The following CLSTN1 variants were observed in gnomAD, a reference collection of about 807,000 sequenced individuals.
The protein encoded by CLSTN1 is calsyntenin 1.
CLSTN1 carries 28 observed loss-of-function variants against 108.3 expected under a neutral mutation model. That is an observed-to-expected ratio of 0.26 (90% confidence interval 0.19 to 0.35). The LOEUF (loss-of-function observed/expected upper bound fraction) is 0.35. Among genes scored for constraint, CLSTN1 ranks in the 10% least tolerant of loss-of-function variants. CLSTN1 has a pLI of 1.00. For synonymous variants in CLSTN1, 524 were observed against 534.9 expected (o/e 0.98, Z 0.28); for missense variants, 1,157 against 1,302.6 (o/e 0.89, Z 1.72).
At chr1:9,774,551 G>A (rs1652845230) in intron 1 of CLSTN1, among the ~76,000 whole-genome samples, 2 of 151,576 alleles carry the variant, frequency 1.3e-5, no homozygotes, top group African/African-American at 2.4e-5. Context: ...GGGCGACAGA[G>A]TGAGACTCCG....
At chr1:9,816,431 G>A (rs1369422718) in intron 1 of CLSTN1, among the ~76,000 whole-genome samples, 1 of 151,930 alleles carries the variant, frequency 6.6e-6, no homozygotes, top group Non-Finnish European at 1.5e-5. Context: ...AAATTAGATA[G>A]TGGTGATGGT....
rs1010524219 is a variant in CLSTN1, at chr1:9,734,727, G to A, written c.2110+221C>T. ...ACCTCAAGCCACATCTCAAAGCCTG[G>A]CAGCAACCAGGAAAAGATGTAAGAC... On this transcript the variant is annotated intron_variant, in intron 14 of 18. Transcript: ENST00000377298. The surrounding 1 kb of genome is among the most constrained non-coding windows in gnomAD (Gnocchi z 4.8). 7.9e-5 allele frequency among the ~76,000 whole-genome samples: 12 copies of A among 152,102 alleles called. No homozygotes were observed. Among genetic ancestry groups the A allele is most frequent in the Non-Finnish European group, 1.5e-4 (10 of 68,020 alleles).
intron 1 of CLSTN1, among the ~76,000 whole-genome samples, chr1:9,779,071 C>A (rs550934463): frequency 6.6e-6 from 1 of 151,186 alleles, no homozygotes; most frequent in Non-Finnish European, 1.5e-5. Context: ...GGCTATGGTA[C>A]GGCACCTTTC....
Position 9,731,469 on chromosome 1 carries a change from C to A in CLSTN1, c.2564-79G>T. ...GTGCCCTTGACCTCCTCGGCTGTGC[C>A]TGGTCAAAACGGGCTGGACAGCACG... On this transcript the variant is annotated intron_variant, in intron 17 of 18. Transcript: ENST00000377298. 3.4e-6 allele frequency: 5 copies of A among 1,452,594 alleles called. No individual in the cohort carries two copies. In the Admixed American group the frequency reaches 7.4e-5, roughly 21 times the overall value. The allele number at this position is 1,452,594 out of a possible 1,614,324, so 90.0% of individuals were successfully genotyped here.
chr1:9,736,075 C>T (rs772907834), intron 11 of CLSTN1, 33 bp from the exon 12 acceptor site: 45 of 1,613,436 alleles, frequency 2.8e-5, no homozygotes, highest in African/African-American at 4.0e-5. Context: ...CGAAGTCAGG[C>T]GTGCAACCCA....
chr1:9,809,085 A>C (rs111963964), intron 1 of CLSTN1, among the ~76,000 whole-genome samples: 2 of 152,246 alleles, frequency 1.3e-5, no homozygotes, highest in African/African-American at 4.8e-5. Flanking sequence ...CCCACAACCC[A>C]AGCTGAGGGG....
intron 1 of CLSTN1, among the ~76,000 whole-genome samples, chr1:9,787,328 T>C (rs1005373287): frequency 6.6e-6 from 1 of 151,178 alleles, no homozygotes; most frequent in Non-Finnish European, 1.5e-5. Flanking sequence ...AAAATATGAA[T>C]TTGAAACAGA....
chr1:9,764,119 AG>A (rs1557703987), intron 2 of CLSTN1, among the ~76,000 whole-genome samples: 3 of 151,434 alleles, frequency 2.0e-5, no homozygotes, highest in African/African-American at 4.8e-5. Context: ...AGAGAGAGAG[AG>A]AGAGAGAGAG....
intron 7 of CLSTN1, 88 bp from the exon 8 acceptor site, chr1:9,744,731 T>A: frequency 7.1e-7 from 1 of 1,408,098 alleles, no homozygotes; most frequent in Non-Finnish European, 9.4e-7. Context: ...GTCTTACACT[T>A]AGGCAATCTG....
In CLSTN1 at chr1:9,730,855, A is replaced by G. The variant is rs960756239; in HGVS notation, c.2749-150T>C. The G allele has an allele frequency of 6.5e-6, 5 of 766,810 alleles. No homozygotes were observed. In the East Asian group the frequency reaches 1.1e-4, roughly 17 times the overall value. 47.5% of individuals were successfully genotyped at this position (766,810 alleles called of 1,614,324 possible). ...AGCAGCCAGGACGGCACCGGAAGTT[A>G]TATTAGAAGTGAAGGGAAAACAAAG... is the stretch of plus-strand genomic sequence containing the variant. On this transcript the variant is annotated intron_variant, in intron 18 of 18. Coordinates refer to ENST00000377298, the MANE Select transcript of CLSTN1 (RefSeq NM_001009566.3). The surrounding 1 kb of genome is among the most constrained non-coding windows in gnomAD (Gnocchi z 5.6).
intron 1 of CLSTN1, among the ~76,000 whole-genome samples, chr1:9,790,040 A>G (rs1052717742): frequency 6.6e-6 from 1 of 151,506 alleles, no homozygotes; most frequent in African/African-American, 2.4e-5. Flanking sequence ...AAATTTCACA[A>G]TTATTTAATA....
In CLSTN1 at chr1:9,730,371, C is replaced by T. The variant is rs1650289101; in HGVS notation, c.*137G>A. The T allele has an allele frequency of 2.5e-6, 2 of 806,068 alleles. No homozygotes were observed. The highest frequency in any genetic ancestry group is 1.8e-5 in the Admixed American group (1 of 54,128). 49.9% of individuals were successfully genotyped at this position (806,068 alleles called of 1,614,324 possible). A position where few individuals can be genotyped will look rare whatever the true frequency, so the allele number is the denominator to read the frequency against. ...AGCCTAGGGTCCTACACACCAAGCA[C>T]AGCGACGATCGTGGCGGGGAGGGGT... On this transcript the variant is annotated 3_prime_UTR_variant, in exon 19 of 19. Coordinates refer to ENST00000377298, the MANE Select transcript of CLSTN1 (RefSeq NM_001009566.3). The surrounding 1 kb of genome is among the most constrained non-coding windows in gnomAD (Gnocchi z 5.6).
At chr1:9,774,616 G>T (rs1652847862) in intron 1 of CLSTN1, among the ~76,000 whole-genome samples, 1 of 151,376 alleles carries the variant, frequency 6.6e-6, no homozygotes, top group South Asian at 2.1e-4. Flanking sequence ...TCCAATTCCA[G>T]CCTCCCTCTA....
At chr1:9,738,472 G>A (rs192883726) in intron 10 of CLSTN1, among the ~76,000 whole-genome samples, 127 of 152,250 alleles carry the variant, frequency 8.3e-4, no homozygotes, top group African/African-American at 2.9e-3. Context: ...GTGAGCCACG[G>A]GCCTGTGCTA....
In CLSTN1 at chr1:9,744,005, T is replaced by A; in HGVS notation, c.1235A>T (p.Asp412Val). Residue 412 changes from aspartate to valine, a missense_variant and splice_region_variant, in exon 9 of 19, where the codon GAT becomes GTT. Physicochemically the swap from Asp to Val is radical, Grantham distance 152. Coordinates refer to ENST00000377298, the MANE Select transcript of CLSTN1 (RefSeq NM_001009566.3). Reference sequence around the variant, plus strand: ...GAGGGAGTAGTGGTGCCGATTCATATCTGCAAAGGCAGTTTCTATGGGTAA... The same window carrying A: ...GAGGGAGTAGTGGTGCCGATTCATAACTGCAAAGGCAGTTTCTATGGGTAA... ...ETILCSSDKT[D>V]MNRHHYSLYV... 1 of 1,613,694 alleles carries A rather than the reference T, an allele frequency of 6.2e-7. No homozygotes were observed. Among genetic ancestry groups the A allele is most frequent in the Non-Finnish European group, 8.5e-7 (1 of 1,179,786 alleles).
Position 9,730,430 on chromosome 1 carries a change from T to C in CLSTN1, c.*78A>G, listed in dbSNP as rs1003832329. 9.5e-6 allele frequency: 13 copies of C among 1,371,348 alleles called. No individual in the cohort carries two copies. The Admixed American group carries it at 2.2e-4, about 23-fold the overall frequency. The allele number at this position is 1,371,348 out of a possible 1,614,324, so 84.9% of individuals were successfully genotyped here. ...CTACTGGCCGAAATGACTTTGTACA[T>C]CGTGGACCCTTGGGACTGGGAGAAC... is the stretch of plus-strand genomic sequence containing the variant. On this transcript the variant is annotated 3_prime_UTR_variant, in exon 19 of 19. Coordinates refer to ENST00000377298, the MANE Select transcript of CLSTN1 (RefSeq NM_001009566.3). This position sits in a 1 kb window ranked among gnomAD's most constrained non-coding sequence, Gnocchi z 5.6.
intron 1 of CLSTN1, among the ~76,000 whole-genome samples, chr1:9,795,750 T>A (rs2101244480): frequency 6.6e-6 from 1 of 150,658 alleles, no homozygotes; most frequent in East Asian, 2.0e-4. Flanking sequence ...AGGCCAGGAG[T>A]TAGAGACCAG....
intron 1 of CLSTN1, among the ~76,000 whole-genome samples, chr1:9,799,319 G>C (rs1220346854): frequency 6.6e-6 from 1 of 152,174 alleles, no homozygotes; most frequent in Non-Finnish European, 1.5e-5. Context: ...CAAACTGCTG[G>C]AGTTCAATGT....
intron 2 of CLSTN1, 137 bp downstream of exon 2, chr1:9,773,135 T>C: frequency 8.6e-7 from 1 of 1,161,448 alleles, no homozygotes; most frequent in Non-Finnish European, 1.2e-6. Flanking sequence ...AAAAAAAACA[T>C]GCTACAAAGG....
Sources: gnomAD v4.1 joint callset for allele counts (sites outside exome capture counted in the v4.1 genomes callset) on GRCh38, gnomAD v4.1.1 for gene constraint, Gnocchi (gnomAD v3.1) non-coding constraint, MANE v1.5 for transcripts, NCBI Gene and HGNC (gene_info 2026-07-23, HGNC 2026-07-21) for gene names.